MACROH2A1: variants seen among roughly 807,000 people sequenced by gnomAD.
MACROH2A1 encodes macroH2A.1 histone.
Under a neutral mutation model 31.6 loss-of-function variants are expected in MACROH2A1, and 2 were observed. The ratio of observed to expected loss-of-function variants is 0.06; its 90% CI spans 0.03 to 0.20. MACROH2A1 has a LOEUF of 0.20. Ranked by LOEUF, MACROH2A1 falls within the 10% of genes least tolerant of loss-of-function variation. MACROH2A1 has a pLI of 1.00. For missense variants in MACROH2A1, 230 were observed against 474.0 expected (o/e 0.49, Z 4.78); for synonymous variants, 169 against 189.6 (o/e 0.89, Z 0.89).
Position 135,399,014 on chromosome 5 carries a change from G to T in MACROH2A1, c.-34+48C>A. ...CTCCCGGGCACCCGCGGCCGGACCCGAGCGGCGGGGACAGGGAGTGCGGCA... is the reference window on the plus strand; with the variant it reads ...CTCCCGGGCACCCGCGGCCGGACCCTAGCGGCGGGGACAGGGAGTGCGGCA... On this transcript the variant is annotated intron_variant, in intron 1 of 8. Transcript: ENST00000511689. The surrounding 1 kb of genome is among the most constrained non-coding windows in gnomAD (Gnocchi z 4.5). The T allele has an allele frequency of 1.3e-5, 2 of 149,958 alleles. No homozygotes were observed. The highest frequency in any genetic ancestry group is 3.8e-4 in the South Asian group (2 of 5,200). 9.3% of individuals were successfully genotyped at this position (149,958 alleles called of 1,614,324 possible).
At chr5:135,360,392 G>T in intron 5 of MACROH2A1, 105 bp downstream of exon 5, 2 of 758,616 alleles carry the variant, frequency 2.6e-6, no homozygotes, top group Admixed American at 2.0e-5. Flanking sequence ...CTACCCACGA[G>T]GCTGGGAGTG....
Position 135,343,814 on chromosome 5 carries a change from T to C in MACROH2A1, c.779-380A>G, listed in dbSNP as rs191316006. 7.5e-5 allele frequency: 20 copies of C among 265,782 alleles called. No homozygotes were observed. The Admixed American group carries it at 8.9e-4, about 12-fold the overall frequency. 16.5% of individuals were successfully genotyped at this position (265,782 alleles called of 1,614,324 possible). On this transcript the variant is annotated intron_variant, in intron 7 of 8. Coordinates refer to ENST00000511689, the MANE Select transcript of MACROH2A1 (RefSeq NM_138610.3). ...ATAATTGTTTTGGGTTTCCAACCCT[T>C]CTTCTTCAAGTCGACTGGTGTGCTA...
chr5:135,358,764 T>TA (rs1762477753), intron 5 of MACROH2A1: 1 of 972,524 alleles, frequency 1.0e-6, no homozygotes. Context: ...ATCCTCACCC[T>TA]ACCAACTCTG....
chr5:135,338,959 G>A (rs1759291872), intron 8 of MACROH2A1, among the ~76,000 whole-genome samples: 1 of 152,194 alleles, frequency 6.6e-6, no homozygotes, highest in Admixed American at 6.5e-5. Context: ...TGACAATGGT[G>A]GTGATGATGA....
At chr5:135,386,561 G>A (rs1471139817) in intron 2 of MACROH2A1, among the ~76,000 whole-genome samples, 1 of 152,156 alleles carries the variant, frequency 6.6e-6, no homozygotes, top group Admixed American at 6.5e-5. Context: ...GGGCTCTCCT[G>A]GCCAGTCCTA....
chr5:135,361,958 A>T (rs925635086), intron 4 of MACROH2A1: 1 of 152,238 alleles, frequency 6.6e-6, no homozygotes, highest in Non-Finnish European at 1.5e-5. Flanking sequence ...CAAGAAATAT[A>T]GTACTGGCAA....
chr5:135,335,214 C>T lies in MACROH2A1; in HGVS notation c.954-73G>A, dbSNP rs60587259. 10,252 of 1,102,388 alleles carry T rather than the reference C, an allele frequency of 9.3e-3. 687 individuals carry two copies. In the African/African-American group the frequency reaches 0.14, roughly 15 times the overall value. 68.3% of individuals were successfully genotyped at this position (1,102,388 alleles called of 1,614,324 possible). On this transcript the variant is annotated intron_variant, in intron 8 of 8. Coordinates refer to ENST00000511689, the MANE Select transcript of MACROH2A1 (RefSeq NM_138610.3). ...TGCAGGACCTGCCCCACCTTACAGGCCACCTCCCTCTGTGCTGCAGCTTGC... is the reference window on the plus strand; with the variant it reads ...TGCAGGACCTGCCCCACCTTACAGGTCACCTCCCTCTGTGCTGCAGCTTGC...
At chr5:135,359,544 C>T (rs1404555847) in intron 5 of MACROH2A1, 2 of 984,184 alleles carry the variant, frequency 2.0e-6, no homozygotes, top group East Asian at 1.1e-4. Flanking sequence ...GGAATTGCAT[C>T]ATGAGAGAGA....
chr5:135,353,579 G>GA (rs1001768746), intron 5 of MACROH2A1: 9 of 152,556 alleles, frequency 5.9e-5, no homozygotes, highest in African/African-American at 2.2e-4. Context: ...AGGGTGGCAA[G>GA]AAGTGAGAAT....
intron 2 of MACROH2A1, among the ~76,000 whole-genome samples, chr5:135,372,478 A>C (rs1036597767): frequency 6.6e-6 from 1 of 152,218 alleles, no homozygotes; most frequent in Non-Finnish European, 1.5e-5. Context: ...TTTTCACTGA[A>C]GCTTCCCTAT....
Position 135,389,001 on chromosome 5 carries a change from G to A in MACROH2A1, c.93C>T (p.Tyr31=), listed in dbSNP as rs1196368934. The A allele has an allele frequency of 1.9e-6, 3 of 1,613,884 alleles. No homozygotes were observed. Among genetic ancestry groups the A allele is most frequent in the Admixed American group, 1.7e-5 (1 of 60,012 alleles). The change falls in exon 2 of 9, where the codon TAC becomes TAT. Residue 31 remains tyrosine (Y), a synonymous_variant. Transcript: ENST00000511689. ...VIFPVGRMLR[Y]IKKGHPKYRI... ...TGTACTTGGGGTGGCCTTTCTTGAT[G>A]TACCGCAGCATCCGCCCCACGGGAA...
At chr5:135,383,020 T>G (rs1765863890) in intron 2 of MACROH2A1, among the ~76,000 whole-genome samples, 1 of 152,244 alleles carries the variant, frequency 6.6e-6, no homozygotes. Flanking sequence ...CTGGTGGAAT[T>G]CCACCTCCTG....
chr5:135,355,174 C>A (rs1762027487), intron 5 of MACROH2A1: 2 of 455,972 alleles, frequency 4.4e-6, no homozygotes, highest in Admixed American at 2.3e-5. Flanking sequence ...GGAGAACCAC[C>A]TGCTCTGTCT....
At chr5:135,355,042 T>C (rs1290790251) in intron 5 of MACROH2A1, 3 of 454,390 alleles carry the variant, frequency 6.6e-6, no homozygotes, top group South Asian at 1.6e-5. Context: ...TTTTTCCAAT[T>C]GTATAGATGC....
intron 4 of MACROH2A1, among the ~76,000 whole-genome samples, chr5:135,368,944 T>C (rs1763849278): frequency 6.6e-6 from 1 of 152,228 alleles, no homozygotes; most frequent in African/African-American, 2.4e-5. Flanking sequence ...GCAACCATTC[T>C]GGAGTGAACT....
At chr5:135,393,083 T>G (rs1293396152) in intron 1 of MACROH2A1, among the ~76,000 whole-genome samples, 2 of 152,230 alleles carry the variant, frequency 1.3e-5, no homozygotes, top group Non-Finnish European at 2.9e-5. Flanking sequence ...ACAACTTATT[T>G]CTCACTCCCG....
At position 135,398,578 on chromosome 5, in the gene MACROH2A1, G is replaced by A. The variant is rs950045955; in HGVS notation, c.-34+484C>T. On this transcript the variant is annotated intron_variant, in intron 1 of 8. Coordinates refer to ENST00000511689, the MANE Select transcript of MACROH2A1 (RefSeq NM_138610.3). This position sits in a 1 kb window ranked among gnomAD's most constrained non-coding sequence, Gnocchi z 4.6. ...CCTACACCTCGGCCCCCCGGGGCTC[G>A]GGCCCGACTTATTGTGCCGGGGCCG... Among the ~76,000 whole-genome samples, 3 of 152,182 alleles carry A rather than the reference G, an allele frequency of 2.0e-5. No individual in the cohort carries two copies. The highest frequency in any genetic ancestry group is 7.2e-5 in the African/African-American group (3 of 41,472).
intron 8 of MACROH2A1, among the ~76,000 whole-genome samples, chr5:135,341,606 C>G (rs1412255369): frequency 1.3e-5 from 2 of 152,200 alleles, no homozygotes; most frequent in African/African-American, 4.8e-5. Context: ...GTGGACAAGG[C>G]CTTTTACTAG....
At position 135,343,444 on chromosome 5, in the gene MACROH2A1, C is replaced by G; in HGVS notation, c.779-10G>C. The G allele has an allele frequency of 6.2e-7, 1 of 1,612,862 alleles. No individual in the cohort carries two copies. Among genetic ancestry groups the G allele is most frequent in the East Asian group, 2.2e-5 (1 of 44,852 alleles). Reference sequence around the variant, plus strand: ...CCTGCGCTGACAGCAGCTAGTGGTGCGGGGATGAAACAGAAACAGTGAGCT... The same window carrying G: ...CCTGCGCTGACAGCAGCTAGTGGTGGGGGGATGAAACAGAAACAGTGAGCT... On this transcript the variant is annotated splice_polypyrimidine_tract_variant and intron_variant, in intron 7 of 8. Transcript: ENST00000511689.
Sources: gnomAD v4.1 joint callset for allele counts (sites outside exome capture counted in the v4.1 genomes callset) on GRCh38, gnomAD v4.1.1 for gene constraint, Gnocchi (gnomAD v3.1) non-coding constraint, MANE v1.5 for transcripts, NCBI Gene and HGNC (gene_info 2026-07-23, HGNC 2026-07-21) for gene names.